LRP2: variants seen among roughly 807,000 people sequenced by gnomAD.
LRP2 encodes the protein low-density lipoprotein receptor-related protein 2.
LRP2 carries 172 observed loss-of-function variants against 531.0 expected under a neutral mutation model. The observed-to-expected ratio is 0.32, with a 90% CI of 0.29 to 0.37. The LOEUF (loss-of-function observed/expected upper bound fraction) is 0.37. Ranked by LOEUF, LRP2 falls within the 10% of genes least tolerant of loss-of-function variation. The pLI is 1.00. For missense variants in LRP2, 5,167 were observed against 5,868.3 expected (o/e 0.88, Z 3.90); for synonymous variants, 1,992 against 2,027.6 (o/e 0.98, Z 0.47).
rs566407813 is a variant in LRP2, at chr2:169,202,763, A to G, written c.8202T>C (p.Ser2734=). 6.2e-7 allele frequency: 1 copy of G among 1,614,028 alleles called. No homozygotes were observed. The highest frequency in any genetic ancestry group is 1.3e-5 in the African/African-American group (1 of 74,916). Residue 2734 remains serine (S), a synonymous_variant, in exon 43 of 79, where the codon AGT becomes AGC. Transcript: ENST00000649046. ...GCCAAGAGTCCAACTCACCACAGACACTTTCCATCTCATCACTGCCATCCC... is the reference window on the plus strand; with the variant it reads ...GCCAAGAGTCCAACTCACCACAGACGCTTTCCATCTCATCACTGCCATCCC... ...DCGDGSDEME[S]VCALHTCSPT...
Position 169,127,941 on chromosome 2 carries a change from GA to G in LRP2, c.*721del, listed in dbSNP as rs781043220. On this transcript the variant is annotated 3_prime_UTR_variant, in exon 79 of 79. Transcript: ENST00000649046. ...TCAATGCAGGACACTGGCACTTAAT[GA>G]TATGGGATTTCCTCATAGACATCAC... 13 of 152,594 alleles carry G rather than the reference GA, an allele frequency of 8.5e-5. No homozygotes were observed. The highest frequency in any genetic ancestry group is 1.3e-4 in the Non-Finnish European group (9 of 68,070). The allele number at this position is 152,594 out of a possible 1,614,324, so 9.5% of individuals were successfully genotyped here.
chr2:169,330,547 C>T (rs1460770579), intron 1 of LRP2, among the ~76,000 whole-genome samples: 7 of 152,218 alleles, frequency 4.6e-5, no homozygotes, highest in African/African-American at 1.4e-4. Flanking sequence ...ATCAGCACTA[C>T]AGAACATTAT....
chr2:169,134,097 A>G (rs144260784), intron 76 of LRP2, among the ~76,000 whole-genome samples: 10,438 of 152,294 alleles, frequency 0.069, 400 homozygotes, highest in African/African-American at 0.12. Context: ...TAGTGCAGTC[A>G]GAATTCTTAC....
At chr2:169,159,132 A>T (rs1283617410) in intron 63 of LRP2, among the ~76,000 whole-genome samples, 1 of 152,160 alleles carries the variant, frequency 6.6e-6, no homozygotes, top group Non-Finnish European at 1.5e-5. Context: ...GTGAGTGATA[A>T]TGGGGGAAAG....
rs1051045057 is a variant in LRP2, at chr2:169,216,303, G to C, written c.5776C>G (p.Leu1926Val). ...TAGAGTTTCTGCTCTTCGATGTCAA[G>C]AGTGACACACTCCAGGTGTTCGAGG... ...GNLEHLECVTLDIEEQKLYWA... is the reference protein window; with the variant it reads ...GNLEHLECVTVDIEEQKLYWA... Residue 1926 changes from leucine (L) to valine (V), a missense_variant, in exon 35 of 79, where the codon CTT becomes GTT. Leu to Val is a conservative substitution (Grantham distance 32). Transcript: ENST00000649046. 3 of 1,613,616 alleles carry C rather than the reference G, an allele frequency of 1.9e-6. No homozygotes were observed. The highest frequency in any genetic ancestry group is 2.2e-5 in the East Asian group (1 of 44,874).
At position 169,211,970 on chromosome 2, in the gene LRP2, T is replaced by C; in HGVS notation, c.6278A>G (p.Gln2093Arg). The C allele has an allele frequency of 6.2e-7, 1 of 1,613,936 alleles. No individual in the cohort carries two copies. The highest frequency in any genetic ancestry group is 8.5e-7 in the Non-Finnish European group (1 of 1,179,842). ...HSETMVPVAG[Q>R]GRNALHVDVD... Reference sequence around the variant, plus strand: ...TACTTATATTGGAGTTGGCATACCTTGGCCTGCCACCGGCACCATGGTTTC... The same window carrying C: ...TACTTATATTGGAGTTGGCATACCTCGGCCTGCCACCGGCACCATGGTTTC... Residue 2093 changes from glutamine (Q) to arginine (R), a missense_variant and splice_region_variant, in exon 37 of 79, where the codon CAA (glutamine) becomes CGA (arginine). Physicochemically the swap from Gln to Arg is conservative, Grantham distance 43. This residue lies in a region of LRP2 where 2,811 missense variants were observed against 3,058.0 expected (regional missense o/e 0.92). Transcript: ENST00000649046.
chr2:169,306,836 A>C (rs76764722), intron 4 of LRP2, among the ~76,000 whole-genome samples: 5,589 of 152,314 alleles, frequency 0.037, 143 homozygotes, highest in Non-Finnish European at 0.054. Context: ...CTGCTGTTAT[A>C]GGAAAAGACA....
At position 169,233,562 on chromosome 2, in the gene LRP2, A is replaced by G; in HGVS notation, c.4947T>C (p.Thr1649=). The change falls in exon 30 of 79, where the codon ACT becomes ACC. Residue 1649 remains threonine, a synonymous_variant. Coordinates refer to ENST00000649046, the MANE Select transcript of LRP2 (RefSeq NM_004525.3). ...DLIIRHPYAL[T]LFEDSVYWTD... ...TCCAGTACACAGAGTCTTCAAAGAGAGTTAGGGCATAGGGGTGCCGTATAA... is the reference window on the plus strand; with the variant it reads ...TCCAGTACACAGAGTCTTCAAAGAGGGTTAGGGCATAGGGGTGCCGTATAA... The G allele has an allele frequency of 6.2e-7, 1 of 1,614,160 alleles. No individual in the cohort carries two copies. Among genetic ancestry groups the G allele is most frequent in the Non-Finnish European group, 8.5e-7 (1 of 1,180,036 alleles).
intron 1 of LRP2, among the ~76,000 whole-genome samples, chr2:169,341,170 C>A (rs1685551758): frequency 6.6e-6 from 1 of 152,072 alleles, no homozygotes. Context: ...GAGGGGACGC[C>A]TCACAGAGGA....
intron 67 of LRP2, 58 bp downstream of exon 67, chr2:169,152,741 T>C (rs1228644269): frequency 6.3e-7 from 1 of 1,593,334 alleles, no homozygotes; most frequent in Non-Finnish European, 8.6e-7. Flanking sequence ...TGGAGTGCAG[T>C]AGAGAACTCT....
rs1010053947 is a variant in LRP2, at chr2:169,349,311, C to A, written c.79+13010G>T. ...ACCTGTAGGAGGAAAGGAAGTAAGT[C>A]ATGCACCATCTGAGGCAAGAGCATT... On this transcript the variant is annotated intron_variant, in intron 1 of 78. Coordinates refer to ENST00000649046, the MANE Select transcript of LRP2 (RefSeq NM_004525.3). Among the ~76,000 whole-genome samples the A allele has an allele frequency of 3.3e-5, 5 of 152,196 alleles. No homozygotes were observed. In the Middle Eastern group the frequency reaches 0.017, roughly 518 times the overall value.
At chr2:169,270,369 A>G (rs577742047) in intron 16 of LRP2, among the ~76,000 whole-genome samples, 21 of 152,318 alleles carry the variant, frequency 1.4e-4, no homozygotes, top group South Asian at 6.2e-4. Flanking sequence ...ATGTTCATCA[A>G]TGATAGACTG....
chr2:169,307,648 T>C (rs1277039030), intron 3 of LRP2, among the ~76,000 whole-genome samples: 1 of 152,188 alleles, frequency 6.6e-6, no homozygotes, highest in African/African-American at 2.4e-5. Flanking sequence ...GAATACAATA[T>C]AGATTTTAAA....
chr2:169,220,898 A>G (rs1289607732), intron 33 of LRP2, among the ~76,000 whole-genome samples: 1 of 152,172 alleles, frequency 6.6e-6, no homozygotes. Flanking sequence ...AAAATCCTTC[A>G]GGAGAGCTAA....
At chr2:169,270,182 G>A (rs2105435569) in intron 16 of LRP2, among the ~76,000 whole-genome samples, 1 of 152,306 alleles carries the variant, frequency 6.6e-6, no homozygotes, top group African/African-American at 2.4e-5. Flanking sequence ...TTCAACCATT[G>A]TGGAAGACAG....
At chr2:169,150,478 T>C (rs1211404917) in intron 68 of LRP2, among the ~76,000 whole-genome samples, 1 of 152,208 alleles carries the variant, frequency 6.6e-6, no homozygotes. Flanking sequence ...TAAATATTTA[T>C]ATATTTTGGA....
rs1686098827 is a variant in LRP2 at position 169,151,007 on chromosome 2, C to T, written c.12481G>A (p.Val4161Ile). 9.3e-6 allele frequency: 15 copies of T among 1,614,010 alleles called. No individual in the cohort carries two copies. Among genetic ancestry groups the T allele is most frequent in the Non-Finnish European group, 1.3e-5 (15 of 1,179,920 alleles). ...GCCACCTCAATGCGTTTATTCTTGACATCTGACCAGTAAATATGCCTGAAT... is the reference window on the plus strand; with the variant it reads ...GCCACCTCAATGCGTTTATTCTTGATATCTGACCAGTAAATATGCCTGAAT... ...WVGRHIYWSDVKNKRIEVAKL... is the reference protein window; with the variant it reads ...WVGRHIYWSDIKNKRIEVAKL... The change falls in exon 68 of 79, where the codon GTC (valine) becomes ATC (isoleucine). Residue 4161 changes from valine to isoleucine, a missense_variant. Around this residue, in one of 6 missense-constraint regions of LRP2, gnomAD observed 564 missense variants for 747.7 expected, o/e 0.75. Coordinates refer to ENST00000649046, the MANE Select transcript of LRP2 (RefSeq NM_004525.3).
intron 29 of LRP2, 21 bp from the exon 30 acceptor site, chr2:169,233,609 G>T (rs1298099200): frequency 5.6e-6 from 9 of 1,612,424 alleles, no homozygotes; most frequent in African/African-American, 4.0e-5. Context: ...GAAGAGAACA[G>T]TGAGACCTCA....
At position 169,275,084 on chromosome 2, in the gene LRP2, G is replaced by A; in HGVS notation, c.1927C>T (p.Leu643=). The change falls in exon 14 of 79, where the codon CTG becomes TTG. Residue 643 remains leucine, a synonymous_variant. Transcript: ENST00000649046. ...TAAACAGTCACTCCATAGGGCCTCA[G>A]GGAAGCCTGGTAGTACACTTGTGGG... The part of the protein sequence containing the change: ...TNPQVYYQAS[L]RPYGVTVYHS... 1.2e-6 allele frequency: 2 copies of A among 1,613,702 alleles called. No homozygotes were observed. Among genetic ancestry groups the A allele is most frequent in the South Asian group, 1.1e-5 (1 of 91,074 alleles).
Sources: allele counts gnomAD v4.1 joint callset (sites outside exome capture counted in the v4.1 genomes callset), GRCh38; gene constraint gnomAD v4.1.1; regional missense constraint gnomAD v4.1.1; transcripts MANE v1.5; gene names NCBI Gene and HGNC (gene_info 2026-07-23, HGNC 2026-07-21).